Variants in TNKS observed in about 807,000 individuals in gnomAD.
TNKS encodes poly [ADP-ribose] polymerase tankyrase-1.
In TNKS, 72 loss-of-function variants were observed where a neutral mutation model predicts 135.8. The observed-to-expected ratio is 0.53, with a 90% CI of 0.44 to 0.64. The LOEUF (loss-of-function observed/expected upper bound fraction) is 0.64. Among genes scored for constraint, TNKS ranks in the 30% least tolerant of loss-of-function variants. The pLI, the probability that TNKS is intolerant of heterozygous loss-of-function variation, is 0.00. For missense variants in TNKS, 1,769 were observed against 1,674.0 expected, an observed-to-expected ratio of 1.06 and a Z score of -0.99; for synonymous variants, 849 against 649.3, an observed-to-expected ratio of 1.31 and a Z score of -4.68.
At chr8:9,563,538 T>A (rs975371889) in intron 1 of TNKS, among the ~76,000 whole-genome samples, 1 of 152,196 alleles carries the variant, frequency 6.6e-6, no homozygotes, top group African/African-American at 2.4e-5. Flanking sequence ...AGATTTGGTG[T>A]ATGGGTTGTA....
chr8:9,614,625 G>C (rs1799573153), intron 2 of TNKS, among the ~76,000 whole-genome samples: 1 of 152,188 alleles, frequency 6.6e-6, no homozygotes, highest in Admixed American at 6.5e-5. Context: ...TGTCATGAAT[G>C]AATGAAAATT....
rs762343668 is a variant in TNKS, at chr8:9,556,332, CTCT to C, written c.399_401del (p.Ser134del). 16 of 1,614,270 alleles carry C rather than the reference CTCT, an allele frequency of 9.9e-6. No individual in the cohort carries two copies. The Admixed American group carries it at 1.0e-4, about 10-fold the overall frequency. On this transcript the variant is annotated inframe_deletion, in exon 1 of 27. Coordinates refer to ENST00000310430, the MANE Select transcript of TNKS (RefSeq NM_003747.3). ...GTGGCAGTAACAATTCACCGTCGTC[CTCT>C]TCTTCCCCGACTTCTTCCTCATCTT...
At position 9,730,822 on chromosome 8, in the gene TNKS, T is replaced by C. The variant is rs1805398922; in HGVS notation, c.2002-68T>C. 2.7e-5 allele frequency: 42 copies of C among 1,542,968 alleles called. 1 individual carries two copies. The South Asian group carries it at 4.8e-4, about 18-fold the overall frequency. ...ACTTATCCAAGATGTTGAACTATTT[T>C]GGGGCAAAACCTGTGAATAAAGAGT... is the stretch of plus-strand genomic sequence containing the variant. On this transcript the variant is annotated intron_variant, in intron 13 of 26. Coordinates refer to ENST00000310430, the MANE Select transcript of TNKS (RefSeq NM_003747.3).
At chr8:9,666,300 G>T (rs536056749) in intron 3 of TNKS, among the ~76,000 whole-genome samples, 1 of 152,184 alleles carries the variant, frequency 6.6e-6, no homozygotes, top group Non-Finnish European at 1.5e-5. Flanking sequence ...GCTACTGGAA[G>T]TTTACAATTA....
At position 9,556,461 on chromosome 8, in the gene TNKS, AGG is replaced by A; in HGVS notation, c.525_526del (p.Val176ProfsTer65). On this transcript the variant is annotated frameshift_variant, in exon 1 of 27. Transcript: ENST00000310430. LOFTEE classifies it high-confidence loss of function. ...LGPGAAGPGT[G>X]VPAVSGALRE... The stretch of plus-strand genomic sequence containing the variant: ...GGCCTGGGGCAGCAGGACCTGGGAC[AGG>A]GGTCCCAGCAGTGAGCGGGGCCCTA... 6.2e-7 allele frequency: 1 copy of A among 1,614,110 alleles called. No homozygotes were observed. Among genetic ancestry groups the A allele is most frequent in the Non-Finnish European group, 8.5e-7 (1 of 1,180,020 alleles).
Position 9,751,755 on chromosome 8 carries a change from C to G in TNKS, c.2979C>G (p.Asp993Glu). The change falls in exon 19 of 27, where the codon GAC becomes GAG. Residue 993 changes from aspartate (D) to glutamate (E), a missense_variant. By Grantham distance (45) the Asp-to-Glu change is conservative. Transcript: ENST00000310430. ...PSCLSAASSI[D>E]NLTGPLAELA... Reference sequence around the variant, plus strand: ...GCCTCTCGGCTGCCAGCAGCATAGACAACCTCACTGGCCCTTTAGCAGAGT... The same window carrying G: ...GCCTCTCGGCTGCCAGCAGCATAGAGAACCTCACTGGCCCTTTAGCAGAGT... 6.2e-7 allele frequency: 1 copy of G among 1,614,212 alleles called. No homozygotes were observed. Among genetic ancestry groups the G allele is most frequent in the Middle Eastern group, 1.6e-4 (1 of 6,062 alleles).
At position 9,735,056 on chromosome 8, in the gene TNKS, C is replaced by G. The variant is rs769535674; in HGVS notation, c.2505C>G (p.Gly835=). ...ATATCAACTGCAGAGACACCCAGGG[C>G]AGAAATTCAACCCCTCTGCACCTGG... ...PENINCRDTQ[G]RNSTPLHLAA... The change falls in exon 16 of 27, where the codon GGC becomes GGG. Residue 835 remains glycine (G), a synonymous_variant. Transcript: ENST00000310430. The G allele has an allele frequency of 1.2e-6, 2 of 1,614,118 alleles. No individual in the cohort carries two copies. The highest frequency in any genetic ancestry group is 1.7e-6 in the Non-Finnish European group (2 of 1,180,000).
chr8:9,747,493 T>C (rs1007013162), intron 17 of TNKS, among the ~76,000 whole-genome samples: 4 of 152,214 alleles, frequency 2.6e-5, no homozygotes, highest in African/African-American at 4.8e-5. Flanking sequence ...AACAGACCAA[T>C]TTTCATAAAA....
intron 3 of TNKS, among the ~76,000 whole-genome samples, chr8:9,678,548 T>G (rs886748017): frequency 5.9e-5 from 9 of 152,156 alleles, no homozygotes; most frequent in African/African-American, 2.2e-4. Context: ...AGAAAATAGG[T>G]ATTTAACAAC....
intron 3 of TNKS, among the ~76,000 whole-genome samples, chr8:9,624,938 A>G (rs1343539737): frequency 6.6e-6 from 1 of 152,090 alleles, no homozygotes; most frequent in Non-Finnish European, 1.5e-5. Flanking sequence ...TATTTGTATT[A>G]TTATTATTGC....
chr8:9,590,106 A>G (rs1798536003), intron 2 of TNKS, among the ~76,000 whole-genome samples: 1 of 152,242 alleles, frequency 6.6e-6, no homozygotes, highest in African/African-American at 2.4e-5. Context: ...ATTAGATCAC[A>G]GTATGTGCGT....
chr8:9,655,396 G>A (rs570718086), intron 3 of TNKS, among the ~76,000 whole-genome samples: 2 of 152,284 alleles, frequency 1.3e-5, no homozygotes, highest in South Asian at 2.1e-4. Flanking sequence ...AGAGAGTAGT[G>A]GTTCTCCCAG....
rs113565580 is a variant in TNKS at position 9,581,648 on chromosome 8, C to G, written c.898+1265C>G. On this transcript the variant is annotated intron_variant, in intron 2 of 26. Transcript: ENST00000310430. ...CTGCTGTAACTGCTTCTTGCTTCAC[C>G]TTGTTGTCACAGCCACTGGATTTTT... is the stretch of plus-strand genomic sequence containing the variant. Among the ~76,000 whole-genome samples, 16 of 152,188 alleles carry G rather than the reference C, an allele frequency of 1.1e-4. No individual in the cohort carries two copies. In the East Asian group the frequency reaches 1.2e-3, roughly 11 times the overall value.
chr8:9,768,813 G>C (rs1181495886), intron 25 of TNKS, among the ~76,000 whole-genome samples: 1 of 152,170 alleles, frequency 6.6e-6, no homozygotes, highest in Non-Finnish European at 1.5e-5. Flanking sequence ...GGACCTGCAG[G>C]AGAATATAGT....
chr8:9,708,609 C>T, intron 9 of TNKS, 117 bp downstream of exon 9: 5 of 1,126,392 alleles, frequency 4.4e-6, no homozygotes, highest in Non-Finnish European at 5.9e-6. Context: ...CAGGAATTTG[C>T]ATGTTAATTT....
In TNKS at chr8:9,748,242, G is replaced by A. The variant is rs376156248; in HGVS notation, c.2832+30G>A. 1.1e-3 allele frequency: 1,564 copies of A among 1,436,230 alleles called. 2 individuals are homozygous for A. Among genetic ancestry groups the A allele is most frequent in the Non-Finnish European group, 1.3e-3 (1,459 of 1,085,228 alleles). The allele number at this position is 1,436,230 out of a possible 1,614,324, so 89.0% of individuals were successfully genotyped here. ...GTCCTCATTTCAGATACTGATTATT[G>A]TTCCTTCTACTTTCACAGATGACAT... On this transcript the variant is annotated intron_variant, in intron 18 of 26. Coordinates refer to ENST00000310430, the MANE Select transcript of TNKS (RefSeq NM_003747.3).
intron 18 of TNKS, among the ~76,000 whole-genome samples, chr8:9,750,109 C>G (rs1158115681): frequency 6.6e-6 from 1 of 152,188 alleles, no homozygotes; most frequent in Non-Finnish European, 1.5e-5. Context: ...CTTTGAAGCT[C>G]TTTCATCTAG....
In TNKS at chr8:9,780,163, C is replaced by T. The variant is rs1808398491; in HGVS notation, c.*3427C>T. 1 of 152,198 alleles carries T rather than the reference C, an allele frequency of 6.6e-6. No homozygotes were observed. Among genetic ancestry groups the T allele is most frequent in the African/African-American group, 2.4e-5 (1 of 41,448 alleles). The allele number at this position is 152,198 out of a possible 1,614,324, so 9.4% of individuals were successfully genotyped here. On this transcript the variant is annotated 3_prime_UTR_variant, in exon 27 of 27. Transcript: ENST00000310430. The stretch of plus-strand genomic sequence containing the variant: ...GGTTTTTCTGTTTCAGTGTCTCTCC[C>T]AATGGCACGAAGGGTTATTGGGCAT...
At chr8:9,763,063 ATTT>A (rs66959741) in intron 21 of TNKS, 81 bp from the exon 22 acceptor site, 53,918 of 360,428 alleles carry the variant, frequency 0.15, 1,669 homozygotes, top group African/African-American at 0.27. Context: ...CTTATTATGA[ATTT>A]TTTTTTTTTT....
Sources: gnomAD v4.1 joint callset for allele counts (sites outside exome capture counted in the v4.1 genomes callset) on GRCh38, gnomAD v4.1.1 for gene constraint, MANE v1.5 for transcripts, NCBI Gene and HGNC (gene_info 2026-07-23, HGNC 2026-07-21) for gene names.